Variants in RGS22 observed in about 807,000 individuals in gnomAD.
The protein encoded by RGS22 is regulator of G-protein signaling 22.
Under a neutral mutation model 172.9 loss-of-function variants are expected in RGS22, and 148 were observed. That is an observed-to-expected ratio of 0.86 (90% CI 0.75 to 0.98). The LOEUF (loss-of-function observed/expected upper bound fraction) is 0.98. Ranked by LOEUF, RGS22 falls within the 50% of genes least tolerant of loss-of-function variation. The pLI is 0.00. For synonymous variants in RGS22, 458 were observed against 480.2 expected (o/e 0.95, Z 0.60); for missense variants, 1,347 against 1,440.8 (o/e 0.93, Z 1.05).
chr8:100,060,143 T>G (rs1195605155), intron 9 of RGS22, among the ~76,000 whole-genome samples: 1 of 151,942 alleles, frequency 6.6e-6, no homozygotes, highest in Non-Finnish European at 1.5e-5. Context: ...TGGTATATAT[T>G]TTTTTCCACT....
intron 12 of RGS22, 65 bp from the exon 13 acceptor site, chr8:100,040,152 C>T: frequency 7.0e-7 from 1 of 1,429,180 alleles, no homozygotes; most frequent in Admixed American, 2.1e-5. Context: ...TGGCATTACA[C>T]AACAGGATTT....
intron 3 of RGS22, among the ~76,000 whole-genome samples, chr8:100,084,973 C>G (rs1335633296): frequency 1.3e-5 from 2 of 152,174 alleles, no homozygotes; most frequent in Non-Finnish European, 2.9e-5. Flanking sequence ...AATATTATGT[C>G]TGGTCTGGTT....
Position 100,095,642 on chromosome 8 carries a change from A to G in RGS22, c.55-2133T>C, listed in dbSNP as rs189523879. ...CTGTCAAACTGCCATAAAGGTTCTA[A>G]AAGTTTACTCTAGATTCCTGAGCTC... is the stretch of plus-strand genomic sequence containing the variant. On this transcript the variant is annotated intron_variant, in intron 2 of 27. Transcript: ENST00000360863. Among the ~76,000 whole-genome samples the G allele has an allele frequency of 1.6e-4, 25 of 152,324 alleles. 1 individual carries two copies. The East Asian group carries it at 3.3e-3, about 20-fold the overall frequency.
In RGS22 at chr8:100,030,542, A is replaced by G. The variant is rs570761673; in HGVS notation, c.2166+8389T>C. On this transcript the variant is annotated intron_variant, in intron 14 of 27. Coordinates refer to ENST00000360863, the MANE Select transcript of RGS22 (RefSeq NM_015668.5). ...ACACTGAGGTGAAATACAGAATGCC[A>G]AAGTCAAAGAAAAGACTGCAAAAGT... Among the ~76,000 whole-genome samples, 9 of 152,320 alleles carry G rather than the reference A, an allele frequency of 5.9e-5. No homozygotes were observed. In the South Asian group the frequency reaches 1.9e-3, roughly 32 times the overall value.
chr8:99,964,808 C>T (rs373711365), intron 24 of RGS22, among the ~76,000 whole-genome samples: 19 of 152,174 alleles, frequency 1.2e-4, no homozygotes, highest in African/African-American at 4.6e-4. Flanking sequence ...GCTTTCAATA[C>T]CAGTCATCAA....
rs1813388417 is a variant in RGS22 at position 100,100,493 on chromosome 8, T to A, written c.54+4881A>T. Among the ~76,000 whole-genome samples, 4 of 152,294 alleles carry A rather than the reference T, an allele frequency of 2.6e-5. No homozygotes were observed. In the South Asian group the frequency reaches 8.3e-4, roughly 32 times the overall value. ...TTGGTAGAGACGCAGTTTCACCATGTTGGCCAGGCTGGTCTCGAACTCCTG... is the reference window on the plus strand; with the variant it reads ...TTGGTAGAGACGCAGTTTCACCATGATGGCCAGGCTGGTCTCGAACTCCTG... On this transcript the variant is annotated intron_variant, in intron 2 of 27. Transcript: ENST00000360863.
At chr8:100,006,176 A>G in intron 15 of RGS22, 67 bp from the exon 16 acceptor site, 2 of 1,253,780 alleles carry the variant, frequency 1.6e-6, no homozygotes, top group South Asian at 2.6e-5. Flanking sequence ...AGTGGGCTGA[A>G]AAACAAATAC....
intron 9 of RGS22, among the ~76,000 whole-genome samples, chr8:100,053,637 T>C (rs1821935354): frequency 6.6e-6 from 1 of 152,148 alleles, no homozygotes; most frequent in Admixed American, 6.5e-5. Flanking sequence ...GTTTAAAACA[T>C]ACAAACTTTT....
Position 99,962,972 on chromosome 8 carries a change from A to T in RGS22, c.3622T>A (p.Trp1208Arg). 1 of 1,563,286 alleles carries T rather than the reference A, an allele frequency of 6.4e-7. No individual in the cohort carries two copies. The change falls in exon 25 of 28, where the codon TGG becomes AGG. Residue 1208 changes from tryptophan (W) to arginine (R), a missense_variant. Transcript: ENST00000360863. ...GCTTCTATATACTTTGAGTAGCACC[A>T]GGTTGGCTAAAAAAAGCAATTTTCA... ...GLQPYGRQPT[W>R]CYSKYIEALE...
chr8:100,105,370 T>G lies in RGS22; in HGVS notation c.54+4A>C. 1 of 1,606,790 alleles carries G rather than the reference T, an allele frequency of 6.2e-7. No homozygotes were observed. The highest frequency in any genetic ancestry group is 8.5e-7 in the Non-Finnish European group (1 of 1,173,656). On this transcript the variant is annotated splice_donor_region_variant and intron_variant, in intron 2 of 27. Coordinates refer to ENST00000360863, the MANE Select transcript of RGS22 (RefSeq NM_015668.5). The stretch of plus-strand genomic sequence containing the variant: ...AAAAAATAGCCCCTTGAAATGATAC[T>G]TACAAATTCTTCTTCTGTAATAGTT...
intron 20 of RGS22, 150 bp downstream of exon 20, chr8:99,996,312 T>C (rs1373566725): frequency 3.2e-6 from 2 of 623,768 alleles, no homozygotes; most frequent in African/African-American, 1.9e-5. Flanking sequence ...CCAAATTCCA[T>C]TCATCAATTA....
At chr8:100,039,669 C>T (rs1227974566) in intron 13 of RGS22, among the ~76,000 whole-genome samples, 2 of 152,048 alleles carry the variant, frequency 1.3e-5, no homozygotes, top group East Asian at 3.9e-4. Flanking sequence ...AGCCACCGCG[C>T]CTGGCCAATA....
chr8:100,053,263 A>C (rs1255863962), intron 9 of RGS22, among the ~76,000 whole-genome samples: 1 of 152,124 alleles, frequency 6.6e-6, no homozygotes, highest in East Asian at 1.9e-4. Context: ...GAAAACTAAA[A>C]ATATAAAAAT....
intron 14 of RGS22, among the ~76,000 whole-genome samples, chr8:100,027,202 C>A (rs1355767409): frequency 2.0e-5 from 3 of 151,956 alleles, no homozygotes; most frequent in Non-Finnish European, 4.4e-5. Context: ...CCACTGCTCT[C>A]CAGCTTGGGT....
intron 14 of RGS22, among the ~76,000 whole-genome samples, chr8:100,027,629 T>C (rs1032607604): frequency 6.6e-6 from 1 of 152,104 alleles, no homozygotes; most frequent in Non-Finnish European, 1.5e-5. Context: ...AATACAGGCA[T>C]GTACCACCAC....
intron 3 of RGS22, among the ~76,000 whole-genome samples, chr8:100,085,787 T>A (rs1468243499): frequency 6.6e-6 from 1 of 152,192 alleles, no homozygotes. Context: ...ACAGGGCACA[T>A]ACACATAGAT....
At chr8:100,033,434 C>T (rs192892558) in intron 14 of RGS22, among the ~76,000 whole-genome samples, 43 of 152,086 alleles carry the variant, frequency 2.8e-4, no homozygotes, top group Non-Finnish European at 6.0e-4. Flanking sequence ...TGGATAAATT[C>T]CTTGACACAT....
At chr8:100,072,363 C>A in intron 4 of RGS22, 133 bp from the exon 5 acceptor site, 1 of 499,292 alleles carries the variant, frequency 2.0e-6, no homozygotes, top group Non-Finnish European at 3.5e-6. Flanking sequence ...TCTATTTCCA[C>A]TAGAGAGATC....
intron 17 of RGS22, 38 bp from the exon 18 acceptor site, chr8:100,002,402 T>G (rs748125750): frequency 6.4e-7 from 1 of 1,553,048 alleles, no homozygotes; most frequent in Non-Finnish European, 8.6e-7. Flanking sequence ...GCTCTTCATA[T>G]TTCTTCCTCT....
Sources: gnomAD v4.1 joint callset for allele counts (sites outside exome capture counted in the v4.1 genomes callset) on GRCh38, gnomAD v4.1.1 for gene constraint, MANE v1.5 for transcripts, NCBI Gene and HGNC (gene_info 2026-07-23, HGNC 2026-07-21) for gene names.